PDE4D: variants seen among roughly 807,000 people sequenced by gnomAD.
The protein encoded by PDE4D is phosphodiesterase 4D, also known as 3',5'-cyclic-AMP phosphodiesterase 4D.
In PDE4D, 24 loss-of-function variants were observed where a neutral mutation model predicts 87.4. The observed-to-expected ratio is 0.27, with a 90% CI of 0.20 to 0.39. The LOEUF is 0.39. Among genes scored for constraint, PDE4D ranks in the 10% least tolerant of loss-of-function variants. The pLI is 1.00. For missense variants in PDE4D, 714 were observed against 1,041.0 expected, an observed-to-expected ratio of 0.69 and a Z score of 4.32; for synonymous variants, 384 against 383.2, an observed-to-expected ratio of 1.00 and a Z score of -0.02.
intron 3 of PDE4D, among the ~76,000 whole-genome samples, chr5:59,899,196 A>G (rs1196187401): frequency 6.6e-6 from 1 of 152,166 alleles, no homozygotes; most frequent in Admixed American, 6.6e-5. Flanking sequence ...TGAGTCTTTC[A>G]GTGGGGACTA....
At chr5:60,412,415 A>G (rs1379605760) in intron 1 of PDE4D, among the ~76,000 whole-genome samples, 1 of 152,206 alleles carries the variant, frequency 6.6e-6, no homozygotes, top group East Asian at 1.9e-4. Flanking sequence ...ATCTGGAGGT[A>G]TTTGGGCAGT....
chr5:59,539,939 A>G (rs1360281123), intron 1 of PDE4D, among the ~76,000 whole-genome samples: 2 of 152,182 alleles, frequency 1.3e-5, no homozygotes, highest in African/African-American at 4.8e-5. Flanking sequence ...GTTAGTGTAC[A>G]TCTGTCCTAT....
At chr5:59,248,041 G>GCAAAAAA (rs1561805685) in intron 1 of PDE4D, among the ~76,000 whole-genome samples, 1 of 47,836 alleles carries the variant, frequency 2.1e-5, no homozygotes, top group Non-Finnish European at 4.0e-5. Flanking sequence ...GTATCTATTA[G>GCAAAAAA]TAAAAAAAAA....
intron 1 of PDE4D, among the ~76,000 whole-genome samples, chr5:60,516,049 C>G (rs963593646): frequency 6.6e-6 from 1 of 152,156 alleles, no homozygotes; most frequent in Non-Finnish European, 1.5e-5. Flanking sequence ...CCTACCACTG[C>G]CAGGTATTTC....
intron 1 of PDE4D, among the ~76,000 whole-genome samples, chr5:59,718,835 T>TAGTAATTTGAA (rs935280744): frequency 1.3e-5 from 2 of 152,152 alleles, no homozygotes; most frequent in Non-Finnish European, 2.9e-5. Context: ...TTTCAGATTG[T>TAGTAATTTGAA]AGTAATTTGA....
chr5:60,430,431 C>A (rs1254162295), intron 1 of PDE4D, among the ~76,000 whole-genome samples: 1 of 151,874 alleles, frequency 6.6e-6, no homozygotes, highest in Non-Finnish European at 1.5e-5. Flanking sequence ...CCCTAGCTTT[C>A]CCTTCTGCCT....
intron 1 of PDE4D, among the ~76,000 whole-genome samples, chr5:59,575,022 G>A (rs1822893440): frequency 1.3e-5 from 2 of 152,122 alleles, no homozygotes; most frequent in South Asian, 4.1e-4. Flanking sequence ...AATAATGAGA[G>A]AAATTAATTA....
At chr5:60,145,269 C>T (rs1232861561) in intron 2 of PDE4D, among the ~76,000 whole-genome samples, 2 of 152,202 alleles carry the variant, frequency 1.3e-5, no homozygotes, top group Non-Finnish European at 2.9e-5. Flanking sequence ...AGGGTCATCA[C>T]TTATCTCTGA....
intron 1 of PDE4D, among the ~76,000 whole-genome samples, chr5:60,400,394 C>A (rs557207803): frequency 2.0e-5 from 3 of 151,180 alleles, no homozygotes; most frequent in African/African-American, 7.3e-5. Context: ...TGGTGGCAGG[C>A]GCCTGTAGTC....
chr5:60,057,372 A>G (rs10805519), intron 2 of PDE4D, among the ~76,000 whole-genome samples: 74,066 of 151,826 alleles, frequency 0.49, 18,510 homozygotes, highest in East Asian at 0.82. Context: ...TTGAAGGTAC[A>G]TATGCCTGGA....
chr5:60,044,578 T>C (rs1259102973), intron 2 of PDE4D, among the ~76,000 whole-genome samples: 5 of 151,032 alleles, frequency 3.3e-5, no homozygotes, highest in South Asian at 2.1e-4. Flanking sequence ...TGTGTTCTCA[T>C]TGTTCAATTC....
intron 3 of PDE4D, among the ~76,000 whole-genome samples, chr5:59,981,396 A>G (rs1761920627): frequency 6.6e-6 from 1 of 152,238 alleles, no homozygotes. Flanking sequence ...TTAGATAAAC[A>G]CTACAATCAT....
intron 1 of PDE4D, among the ~76,000 whole-genome samples, chr5:59,759,577 A>G (rs1472625365): frequency 6.6e-6 from 1 of 152,184 alleles, no homozygotes; most frequent in Admixed American, 6.5e-5. Flanking sequence ...TAAAAGGAAA[A>G]TCTTCCTCAG....
In PDE4D at chr5:59,156,320, A is replaced by ATATATATATATATAT. The variant is rs1554082852; in HGVS notation, c.808+24274_808+24275insATATATATATATATA. ...CTAGAGACTTGCCAGAAAAAAAAAA[A>ATATATATATATATAT]ATATATATATATGTGTGTGTGTGTG... On this transcript the variant is annotated intron_variant, in intron 5 of 14. Coordinates refer to ENST00000340635, the MANE Select transcript of PDE4D (RefSeq NM_001104631.2). Among the ~76,000 whole-genome samples the ATATATATATATATAT allele has an allele frequency of 3.1e-3, 255 of 81,704 alleles. 2 individuals are homozygous for ATATATATATATATAT. Among genetic ancestry groups the ATATATATATATATAT allele is most frequent in the Middle Eastern group, 6.4e-3 (1 of 156 alleles). The allele number at this position is 81,704 out of a possible 152,430, so 53.6% of individuals were successfully genotyped here.
intron 5 of PDE4D, among the ~76,000 whole-genome samples, chr5:59,133,433 G>A (rs765314276): frequency 1.2e-4 from 18 of 151,612 alleles, no homozygotes; most frequent in Non-Finnish European, 2.4e-4. Flanking sequence ...TTTATTTGAA[G>A]CATTTGGCAC....
intron 1 of PDE4D, among the ~76,000 whole-genome samples, chr5:59,536,529 A>G (rs1815298373): frequency 7.0e-6 from 1 of 142,850 alleles, no homozygotes; most frequent in Non-Finnish European, 1.6e-5. Context: ...AAAAAAAAAA[A>G]AAAAAAATTA....
chr5:59,203,934 TCTA>T (rs1173428838), intron 2 of PDE4D, among the ~76,000 whole-genome samples: 1 of 152,016 alleles, frequency 6.6e-6, no homozygotes, highest in African/African-American at 2.4e-5. Context: ...TTTCAAGAGA[TCTA>T]CTGTACAGGC....
intron 1 of PDE4D, among the ~76,000 whole-genome samples, chr5:59,709,693 C>A (rs1445140549): frequency 6.6e-6 from 1 of 152,176 alleles, no homozygotes. Context: ...TTCCTCTCAT[C>A]CTTCTCCTAC....
intron 6 of PDE4D, among the ~76,000 whole-genome samples, chr5:59,016,286 A>T (rs561547896): frequency 2.2e-4 from 33 of 149,432 alleles, no homozygotes; most frequent in South Asian, 1.3e-3. Flanking sequence ...TAAAAAAATT[A>T]AAAAAGTAGA....
Sources: gnomAD v4.1 joint callset for allele counts (sites outside exome capture counted in the v4.1 genomes callset) on GRCh38, gnomAD v4.1.1 for gene constraint, MANE v1.5 for transcripts, NCBI Gene and HGNC (gene_info 2026-07-23, HGNC 2026-07-21) for gene names.